Variants in PMPCA observed in about 807,000 individuals in gnomAD.
The protein encoded by PMPCA is peptidase, mitochondrial processing subunit alpha.
In PMPCA, 47 loss-of-function variants were observed where a neutral mutation model predicts 59.3. That is an observed-to-expected ratio of 0.79 (90% CI 0.63 to 1.01). The LOEUF is 1.01. PMPCA is among the 50% of genes least tolerant of loss of function. PMPCA has a pLI of 0.00. For synonymous variants in PMPCA, 338 were observed against 290.3 expected, an observed-to-expected ratio of 1.16 and a Z score of -1.67; for missense variants, 726 against 704.5, an observed-to-expected ratio of 1.03 and a Z score of -0.34.
intron 6 of PMPCA, 74 bp downstream of exon 6, chr9:136,416,465 G>A (rs755069210): frequency 2.8e-6 from 3 of 1,053,236 alleles, no homozygotes; most frequent in Non-Finnish European, 4.5e-6. Flanking sequence ...GGTGGGGAGG[G>A]TGCCTCCGTG....
chr9:136,417,436 TTCTC>T (rs1835313001), intron 7 of PMPCA, among the ~76,000 whole-genome samples: 2 of 152,012 alleles, frequency 1.3e-5, no homozygotes, highest in African/African-American at 4.8e-5. Flanking sequence ...ATGCGGTTCT[TTCTC>T]TAGGGGAGTG....
chr9:136,416,615 G>A (rs2131588383), intron 6 of PMPCA: 1 of 621,868 alleles, frequency 1.6e-6, no homozygotes, highest in African/African-American at 1.8e-5. Context: ...CCAAGTAGCT[G>A]GGATTACAGG....
intron 8 of PMPCA, 127 bp from the exon 9 acceptor site, chr9:136,418,428 T>G (rs1000692946): frequency 6.9e-5 from 49 of 714,584 alleles, no homozygotes; most frequent in Non-Finnish European, 3.5e-5. Flanking sequence ...CCTCCGTCCC[T>G]GGCGTCCAGC....
intron 8 of PMPCA, 88 bp downstream of exon 8, chr9:136,418,197 C>A: frequency 2.1e-6 from 2 of 953,692 alleles, no homozygotes; most frequent in Non-Finnish European, 3.4e-6. Flanking sequence ...CATCCGACAG[C>A]GCTCCTGATG....
chr9:136,419,387 ACTGG>A, intron 11 of PMPCA: 2 of 545,560 alleles, frequency 3.7e-6, no homozygotes, highest in Non-Finnish European at 6.6e-6. Context: ...TCTCTGAGCC[ACTGG>A]GTGAGTCGTG....
chr9:136,412,063 T>A lies in PMPCA; in HGVS notation c.138T>A (p.Ser46=). 6.2e-7 allele frequency: 1 copy of A among 1,613,418 alleles called. No homozygotes were observed. Among genetic ancestry groups the A allele is most frequent in the Non-Finnish European group, 8.5e-7 (1 of 1,179,394 alleles). Residue 46 remains serine, a synonymous_variant, in exon 2 of 13, where the codon TCT becomes TCA. Transcript: ENST00000371717. The part of the protein sequence containing the change: ...GGAYPNIPLS[S]PLPGVPKPVF... Reference sequence around the variant, plus strand: ...CCTATCCCAACATCCCCCTCTCTTCTCCCTTACCTGGAGTACCCAAGCCTG... The same window carrying A: ...CCTATCCCAACATCCCCCTCTCTTCACCCTTACCTGGAGTACCCAAGCCTG...
chr9:136,418,714 A>T (rs757271808), intron 9 of PMPCA, 41 bp downstream of exon 9: 1 of 1,514,470 alleles, frequency 6.6e-7, no homozygotes, highest in East Asian at 2.2e-5. Context: ...CCACCAGGCC[A>T]GGCCAGGTGT....
At chr9:136,418,799 T>C (rs1213727540) in intron 9 of PMPCA, 29 bp from the exon 10 acceptor site, 3 of 1,575,330 alleles carry the variant, frequency 1.9e-6, no homozygotes, top group Non-Finnish European at 2.6e-6. Context: ...CGAGTCCCCT[T>C]CACTCCCATG....
intron 4 of PMPCA, among the ~76,000 whole-genome samples, chr9:136,413,154 G>A (rs1013905683): frequency 6.6e-6 from 1 of 152,238 alleles, no homozygotes; most frequent in Admixed American, 6.5e-5. Context: ...CCCAGATAGA[G>A]CAGAGGGCCT....
rs201068511 is a variant in PMPCA, at chr9:136,418,790, G to A, written c.1110-38G>A. 1.6e-3 allele frequency: 2,546 copies of A among 1,551,472 alleles called. 1 individual carries two copies. The highest frequency in any genetic ancestry group is 2.2e-3 in the Non-Finnish European group (2,462 of 1,124,220). Reference sequence around the variant, plus strand: ...CAGTTTCCCATGGCCTGATCCTGGCGAGTCCCCTTCACTCCCATGACTCTC... The same window carrying A: ...CAGTTTCCCATGGCCTGATCCTGGCAAGTCCCCTTCACTCCCATGACTCTC... On this transcript the variant is annotated intron_variant, in intron 9 of 12. Transcript: ENST00000371717.
chr9:136,422,474 C>G, intron 12 of PMPCA: 1 of 1,040,572 alleles, frequency 9.6e-7, no homozygotes, highest in Non-Finnish European at 1.2e-6. Context: ...GGGGGACAGG[C>G]TTAAAACCTG....
intron 5 of PMPCA, 65 bp from the exon 6 acceptor site, chr9:136,416,226 G>A: frequency 1.7e-6 from 2 of 1,166,726 alleles, no homozygotes; most frequent in South Asian, 2.5e-5. Context: ...CAAGCTGTGG[G>A]TCACTGCTGT....
Position 136,417,044 on chromosome 9 carries a change from AGGAACTACTACACTCCCGACC to A in PMPCA, c.729_749del (p.Arg243_Arg250delinsSer). The A allele has an allele frequency of 6.2e-7, 1 of 1,613,956 alleles. No individual in the cohort carries two copies. Among genetic ancestry groups the A allele is most frequent in the Non-Finnish European group, 8.5e-7 (1 of 1,180,018 alleles). On this transcript the variant is annotated inframe_deletion, in exon 7 of 13. Coordinates refer to ENST00000371717, the MANE Select transcript of PMPCA (RefSeq NM_015160.3). ...CCGAGAGGTGCTGCATTCCTACCTG[AGGAACTACTACACTCCCGACC>A]GCATGGTGCTGGCCGGCGTGGGCGT...
intron 6 of PMPCA, 154 bp from the exon 7 acceptor site, chr9:136,416,797 A>G (rs1470342424): frequency 1.6e-6 from 1 of 634,044 alleles, no homozygotes; most frequent in Non-Finnish European, 2.8e-6. Flanking sequence ...CTTTATAAAT[A>G]CGCACGCAGC....
intron 1 of PMPCA, chr9:136,411,106 G>T: frequency 4.2e-6 from 1 of 236,550 alleles, no homozygotes; most frequent in East Asian, 7.6e-5. Context: ...TGACACCAGG[G>T]TCCAGGCTCT....
Position 136,417,173 on chromosome 9 carries a change from A to G in PMPCA, c.856A>G (p.Ile286Val). 6.2e-7 allele frequency: 1 copy of G among 1,607,408 alleles called. No individual in the cohort carries two copies. Among genetic ancestry groups the G allele is most frequent in the Non-Finnish European group, 8.5e-7 (1 of 1,175,288 alleles). ...CTGGGGGAGCGCAGAGGCCGTGGAT[A>G]TTGACAGATCTGTGGCCCAGTACAC... ...PAWGSAEAVDIDRSVAQYTGG... is the reference protein window; with the variant it reads ...PAWGSAEAVDVDRSVAQYTGG... The change falls in exon 7 of 13, where the codon ATT becomes GTT. Residue 286 changes from isoleucine (I) to valine (V), a missense_variant. Coordinates refer to ENST00000371717, the MANE Select transcript of PMPCA (RefSeq NM_015160.3).
At position 136,417,220 on chromosome 9, in the gene PMPCA, G is replaced by A. The variant is rs150776126; in HGVS notation, c.897+6G>A. 1,152 of 1,565,766 alleles carry A rather than the reference G, an allele frequency of 7.4e-4. No individual in the cohort carries two copies. The highest frequency in any genetic ancestry group is 9.6e-4 in the Non-Finnish European group (1,106 of 1,150,696). ...ACACTGGGGGGATTGCCAAGGTGAA[G>A]TAGCGGGAACGTCTCATGGCCTCGG... On this transcript the variant is annotated splice_donor_region_variant and intron_variant, in intron 7 of 12. Coordinates refer to ENST00000371717, the MANE Select transcript of PMPCA (RefSeq NM_015160.3).
chr9:136,410,758 A>AG lies in PMPCA; in HGVS notation c.71+21dup, dbSNP rs751331891. 7.2e-7 allele frequency: 1 copy of AG among 1,397,270 alleles called. No individual in the cohort carries two copies. The highest frequency in any genetic ancestry group is 1.5e-5 in the African/African-American group (1 of 67,078). 86.6% of individuals were successfully genotyped at this position (1,397,270 alleles called of 1,614,324 possible). On this transcript the variant is annotated intron_variant, in intron 1 of 12. Transcript: ENST00000371717. ...GGCTGAGGTGAGCCAAAGGCGAACC[A>AG]GGCTTCGGCCTGGGGCGGGGGCGGC...
chr9:136,418,706 ACCAGG>A (rs773734131), intron 9 of PMPCA, 33 bp downstream of exon 9: 6 of 1,536,490 alleles, frequency 3.9e-6, no homozygotes, highest in Admixed American at 1.7e-5. Context: ...TCCTCAGGCC[ACCAGG>A]CCAGGCCAGG....
Sources: gnomAD v4.1 joint callset for allele counts (sites outside exome capture counted in the v4.1 genomes callset) on GRCh38, gnomAD v4.1.1 for gene constraint, MANE v1.5 for transcripts, NCBI Gene and HGNC (gene_info 2026-07-23, HGNC 2026-07-21) for gene names.